The following RGS8 variants were observed in gnomAD, a reference collection of about 807,000 sequenced individuals.
RGS8 encodes regulator of G-protein signaling 8.
Under a neutral mutation model 21.7 loss-of-function variants are expected in RGS8, and 8 were observed. The ratio of observed to expected loss-of-function variants is 0.37; its 90% CI spans 0.22 to 0.66. RGS8 has a LOEUF of 0.66. Ranked by LOEUF, RGS8 falls within the 30% of genes least tolerant of loss-of-function variation. The probability of loss-of-function intolerance (pLI) is 0.59; values close to 1 mark genes in which losing one functional copy is unlikely to be tolerated. For missense variants in RGS8, 157 were observed against 217.9 expected (o/e 0.72, Z 1.76); for synonymous variants, 80 against 83.6 (o/e 0.96, Z 0.24).
At chr1:182,645,633 A>T (rs1222682038), downstream of RGS8, 1 of 152,244 alleles carries the variant, frequency 6.6e-6, no homozygotes, top group Non-Finnish European at 1.5e-5. Flanking sequence ...AAGGTGCTTC[A>T]TAGTATCCAA....
the RGS8 span, among the ~76,000 whole-genome samples, chr1:182,749,164 C>T: frequency 6.6e-6 from 1 of 152,154 alleles, no homozygotes; most frequent in African/African-American, 2.4e-5. Context: ...AAAATCCTGG[C>T]CCAGACCAGT....
At chr1:182,744,162 T>G in the RGS8 span, among the ~76,000 whole-genome samples, 1 of 152,110 alleles carries the variant, frequency 6.6e-6, no homozygotes, top group Non-Finnish European at 1.5e-5. Flanking sequence ...TCCAATGTTG[T>G]TTGTTTGTTT....
the RGS8 span, among the ~76,000 whole-genome samples, chr1:182,703,910 T>C: frequency 1.3e-4 from 20 of 152,372 alleles, no homozygotes; most frequent in East Asian, 3.3e-3. Flanking sequence ...AAATATTTAT[T>C]GAACATTAAC....
chr1:182,712,964 G>A, the RGS8 span: 2 of 152,048 alleles, frequency 1.3e-5, no homozygotes, highest in African/African-American at 4.8e-5. Context: ...CCAGTTGTTT[G>A]GCATCAGACC....
chr1:182,708,029 C>T, the RGS8 span, among the ~76,000 whole-genome samples: 1 of 152,122 alleles, frequency 6.6e-6, no homozygotes, highest in East Asian at 1.9e-4. Context: ...TTTCAATCAT[C>T]ACAAAACTCC....
chr1:182,711,729 A>G, the RGS8 span, among the ~76,000 whole-genome samples: 4 of 152,302 alleles, frequency 2.6e-5, no homozygotes, highest in Non-Finnish European at 5.9e-5. Context: ...ATCTGCATTA[A>G]CAGCCAGGAA....
chr1:182,648,313 TGGGA>T lies in RGS8; in HGVS notation c.194-14_194-11del, dbSNP rs751428913. ...AATGCAGCCACCCCATCTGCGGATG[TGGGA>T]GGAAGAAAAGAAGAGAGATAGGAAG... On this transcript the variant is annotated splice_polypyrimidine_tract_variant and intron_variant, in intron 5 of 6. Coordinates refer to ENST00000483095, the Ensembl canonical transcript of RGS8. The T allele has an allele frequency of 1.4e-5, 22 of 1,611,028 alleles. No individual in the cohort carries two copies. The highest frequency in any genetic ancestry group is 1.9e-5 in the Non-Finnish European group (22 of 1,178,722).
At chr1:182,743,430 A>G in the RGS8 span, among the ~76,000 whole-genome samples, 1 of 152,194 alleles carries the variant, frequency 6.6e-6, no homozygotes. Flanking sequence ...TAGAGTTGTG[A>G]GCATCAAACA....
downstream of RGS8, chr1:182,643,132 C>T (rs1267565883): frequency 6.6e-6 from 1 of 152,310 alleles, no homozygotes; most frequent in Non-Finnish European, 1.5e-5. Context: ...GGCATGGCCG[C>T]TGCCCAGCAA....
At chr1:182,734,488 C>T in the RGS8 span, 5 of 152,030 alleles carry the variant, frequency 3.3e-5, no homozygotes, top group South Asian at 2.1e-4. Flanking sequence ...AAAAAATAAC[C>T]GAAAGAATCA....
the RGS8 span, among the ~76,000 whole-genome samples, chr1:182,743,028 A>G: frequency 1.3e-5 from 2 of 151,738 alleles, no homozygotes; most frequent in East Asian, 3.9e-4. Context: ...CTGGAAAACT[A>G]TGTAAACACC....
At chr1:182,746,642 A>C in the RGS8 span, among the ~76,000 whole-genome samples, 2 of 151,704 alleles carry the variant, frequency 1.3e-5, no homozygotes, top group Non-Finnish European at 2.9e-5. Flanking sequence ...ATAGAGTAAG[A>C]CTCTGTCAAA....
the RGS8 span, among the ~76,000 whole-genome samples, chr1:182,717,170 G>A: frequency 6.6e-6 from 1 of 152,122 alleles, no homozygotes; most frequent in Admixed American, 6.5e-5. Flanking sequence ...GAAAATGCCT[G>A]GTACATTTTT....
the RGS8 span, among the ~76,000 whole-genome samples, chr1:182,732,265 T>TCACA: frequency 1.1e-3 from 88 of 83,584 alleles, 1 homozygote; most frequent in Middle Eastern, 0.014. Context: ...TCTCGCTCTC[T>TCACA]CTCTCATACA....
the RGS8 span, among the ~76,000 whole-genome samples, chr1:182,699,198 T>A: frequency 9.5e-4 from 145 of 152,214 alleles, no homozygotes; most frequent in Admixed American, 1.1e-3. Flanking sequence ...CAGAGGGGTT[T>A]CCACATCACC....
the RGS8 span, among the ~76,000 whole-genome samples, chr1:182,726,976 C>G: frequency 6.6e-6 from 1 of 152,126 alleles, no homozygotes; most frequent in Admixed American, 6.5e-5. Flanking sequence ...CCATGTACAC[C>G]CGCCACAGGT....
chr1:182,668,132 T>C (rs984122749), intron 3 of RGS8, among the ~76,000 whole-genome samples: 5 of 152,252 alleles, frequency 3.3e-5, no homozygotes, highest in African/African-American at 2.4e-5. Flanking sequence ...AGTTGGGTAG[T>C]TGCAGCACAG....
the RGS8 span, among the ~76,000 whole-genome samples, chr1:182,727,582 A>C: frequency 6.6e-6 from 1 of 152,224 alleles, no homozygotes; most frequent in Admixed American, 6.5e-5. Context: ...AGATAACTAA[A>C]AGCCGTTCCG....
chr1:182,648,411 A>G, intron 5 of RGS8, 108 bp from the exon 7 acceptor site: 7 of 1,131,162 alleles, frequency 6.2e-6, no homozygotes, highest in Non-Finnish European at 8.9e-6. Flanking sequence ...TAATTGTCCA[A>G]GCTCACTGCT....
Sources: gnomAD v4.1 joint callset for allele counts (sites outside exome capture counted in the v4.1 genomes callset) on GRCh38, gnomAD v4.1.1 for gene constraint, MANE v1.5 for transcripts, NCBI Gene and HGNC (gene_info 2026-07-23, HGNC 2026-07-21) for gene names.